RABGAP1L: variants seen among roughly 807,000 people sequenced by gnomAD.
The protein encoded by RABGAP1L is rab GTPase-activating protein 1-like.
In RABGAP1L, 63 loss-of-function variants were observed where a neutral mutation model predicts 137.7. That is an observed-to-expected ratio of 0.46 (90% confidence interval 0.37 to 0.56). The LOEUF (loss-of-function observed/expected upper bound fraction) is 0.56. Ranked by LOEUF, RABGAP1L falls within the 20% of genes least tolerant of loss-of-function variation. RABGAP1L has a pLI of 0.00. For synonymous variants in RABGAP1L, 431 were observed against 433.7 expected (o/e 0.99, Z 0.08); for missense variants, 1,095 against 1,244.0 (o/e 0.88, Z 1.80).
At chr1:174,306,521 A>G (rs974271075) in intron 11 of RABGAP1L, among the ~76,000 whole-genome samples, 5 of 152,150 alleles carry the variant, frequency 3.3e-5, no homozygotes, top group African/African-American at 9.7e-5. Flanking sequence ...GCCAGTGATG[A>G]TGAGCATTTT....
intron 13 of RABGAP1L, among the ~76,000 whole-genome samples, chr1:174,491,561 A>G (rs1470212557): frequency 6.6e-6 from 1 of 152,032 alleles, no homozygotes; most frequent in African/African-American, 2.4e-5. Flanking sequence ...AGGGTGGTGC[A>G]AGCACTGTAT....
intron 19 of RABGAP1L, among the ~76,000 whole-genome samples, chr1:174,900,213 A>G (rs1292758005): frequency 6.6e-6 from 1 of 152,202 alleles, no homozygotes; most frequent in Non-Finnish European, 1.5e-5. Flanking sequence ...CAAAATGCAC[A>G]CACAACGTGA....
chr1:174,399,227 C>A (rs941859780), intron 13 of RABGAP1L, among the ~76,000 whole-genome samples: 5 of 152,056 alleles, frequency 3.3e-5, no homozygotes, highest in African/African-American at 1.2e-4. Context: ...TTTCCTTTCA[C>A]TGTCCTTGGG....
intron 4 of RABGAP1L, 68 bp from the exon 5 acceptor site, chr1:174,241,415 T>G (rs1671815935): frequency 1.1e-5 from 12 of 1,081,848 alleles, no homozygotes; most frequent in Non-Finnish European, 1.4e-5. Context: ...AAAAAAAACC[T>G]AACTGGAAAT....
At chr1:174,324,159 C>A (rs1377967649) in intron 11 of RABGAP1L, among the ~76,000 whole-genome samples, 2 of 151,938 alleles carry the variant, frequency 1.3e-5, no homozygotes, top group African/African-American at 4.8e-5. Context: ...TAAATTAGAT[C>A]AATATTCATT....
intron 13 of RABGAP1L, among the ~76,000 whole-genome samples, chr1:174,557,540 C>G (rs886974074): frequency 1.3e-5 from 2 of 152,168 alleles, no homozygotes; most frequent in African/African-American, 4.8e-5. Flanking sequence ...TGCTAGCACC[C>G]CATTGAATAT....
At chr1:174,567,339 A>G (rs952639025) in intron 13 of RABGAP1L, among the ~76,000 whole-genome samples, 3 of 152,118 alleles carry the variant, frequency 2.0e-5, no homozygotes, top group African/African-American at 4.8e-5. Context: ...ATGTTGTGGC[A>G]TATGTCAAAA....
chr1:174,389,365 C>G (rs1041271283), intron 12 of RABGAP1L, among the ~76,000 whole-genome samples: 1 of 151,778 alleles, frequency 6.6e-6, no homozygotes, highest in Non-Finnish European at 1.5e-5. Flanking sequence ...ACTTCCACCT[C>G]CTATCAAAAT....
At chr1:174,217,299 T>C (rs1669411863) in intron 1 of RABGAP1L, among the ~76,000 whole-genome samples, 2 of 152,186 alleles carry the variant, frequency 1.3e-5, no homozygotes, top group South Asian at 2.1e-4. Context: ...CATGGAAATA[T>C]CAAGTAGAGA....
intron 12 of RABGAP1L, among the ~76,000 whole-genome samples, chr1:174,375,722 A>G (rs1021297769): frequency 2.0e-5 from 3 of 152,180 alleles, no homozygotes; most frequent in South Asian, 2.1e-4. Flanking sequence ...AAAGTTTTCA[A>G]TAGAGAAAAT....
chr1:174,563,771 A>G (rs1667379817), intron 13 of RABGAP1L, among the ~76,000 whole-genome samples: 1 of 152,160 alleles, frequency 6.6e-6, no homozygotes, highest in South Asian at 2.1e-4. Context: ...GGCACAGAAT[A>G]TACCTTTTCT....
intron 13 of RABGAP1L, among the ~76,000 whole-genome samples, chr1:174,468,835 T>G (rs992911277): frequency 6.6e-6 from 1 of 152,208 alleles, no homozygotes; most frequent in South Asian, 2.1e-4. Flanking sequence ...CAGGATGCCA[T>G]ACGTGGTAGA....
intron 13 of RABGAP1L, among the ~76,000 whole-genome samples, chr1:174,439,945 G>A (rs180750906): frequency 1.3e-5 from 2 of 152,340 alleles, no homozygotes; most frequent in Admixed American, 1.3e-4. Flanking sequence ...ACTATAATAT[G>A]TGTAGAATCT....
At chr1:174,265,718 C>A (rs1274226933) in intron 7 of RABGAP1L, among the ~76,000 whole-genome samples, 1 of 151,700 alleles carries the variant, frequency 6.6e-6, no homozygotes, top group Admixed American at 6.6e-5. Context: ...ATTTTAAGAA[C>A]ATTGACCTAA....
chr1:174,436,170 C>G (rs1198282227), intron 13 of RABGAP1L, among the ~76,000 whole-genome samples: 1 of 152,134 alleles, frequency 6.6e-6, no homozygotes, highest in African/African-American at 2.4e-5. Flanking sequence ...GGTATATACC[C>G]AGTAATGGGA....
chr1:174,961,887 C>T (rs867565236), intron 20 of RABGAP1L, among the ~76,000 whole-genome samples: 44 of 135,444 alleles, frequency 3.2e-4, no homozygotes, highest in Middle Eastern at 6.5e-3. Flanking sequence ...CCAGGTGCAG[C>T]AGCTCACGCC....
intron 13 of RABGAP1L, among the ~76,000 whole-genome samples, chr1:174,603,405 C>T (rs1427288712): frequency 6.6e-6 from 1 of 152,068 alleles, no homozygotes; most frequent in East Asian, 1.9e-4. Context: ...GAGTCAGACC[C>T]GAATCCAGCA....
chr1:174,293,541 CTTT>C (rs112119241), intron 10 of RABGAP1L, among the ~76,000 whole-genome samples: 7 of 152,216 alleles, frequency 4.6e-5, no homozygotes, highest in African/African-American at 1.7e-4. Flanking sequence ...GTCATAATAA[CTTT>C]TACTAGTTGT....
intron 18 of RABGAP1L, among the ~76,000 whole-genome samples, chr1:174,755,572 C>T (rs1409700783): frequency 6.6e-6 from 1 of 152,184 alleles, no homozygotes; most frequent in Admixed American, 6.5e-5. Context: ...TATGCAGACA[C>T]TACAGAGATA....
Sources: allele counts gnomAD v4.1 joint callset (sites outside exome capture counted in the v4.1 genomes callset), GRCh38; gene constraint gnomAD v4.1.1; transcripts MANE v1.5; gene names NCBI Gene and HGNC (gene_info 2026-07-23, HGNC 2026-07-21).